Variants in LSAMP observed in about 807,000 individuals in gnomAD.
LSAMP encodes the protein limbic system associated membrane protein, also known as limbic system-associated membrane protein.
A neutral mutation model predicts 38.6 loss-of-function variants in LSAMP; 7 were observed. The ratio of observed to expected loss-of-function variants is 0.18; its 90% CI spans 0.10 to 0.34. The LOEUF (loss-of-function observed/expected upper bound fraction) is 0.34. LSAMP is among the 10% of genes least tolerant of loss of function. LSAMP has a pLI of 1.00. For missense variants in LSAMP, 313 were observed against 420.0 expected (o/e 0.75, Z 2.23); for synonymous variants, 154 against 166.8 (o/e 0.92, Z 0.59).
chr3:116,125,756 G>C (rs2107494613), intron 1 of LSAMP, among the ~76,000 whole-genome samples: 1 of 152,244 alleles, frequency 6.6e-6, no homozygotes, highest in East Asian at 1.9e-4. Flanking sequence ...TAAATAAATA[G>C]AGAAAAAGAC....
chr3:116,391,592 G>C (rs2048699292), intron 1 of LSAMP, among the ~76,000 whole-genome samples: 1 of 151,998 alleles, frequency 6.6e-6, no homozygotes. Flanking sequence ...GGGCGCGGGG[G>C]TGGCAAGGAG....
rs117789253 is a variant in LSAMP, at chr3:116,225,306, C to T, written c.156-138750G>A. ...AGACATAGCAGAGGACATTTTAAACCGAGGTTGAGATTGGAGGTATACTGC... is the reference window on the plus strand; with the variant it reads ...AGACATAGCAGAGGACATTTTAAACTGAGGTTGAGATTGGAGGTATACTGC... On this transcript the variant is annotated intron_variant, in intron 1 of 6. Coordinates refer to ENST00000490035, the MANE Select transcript of LSAMP (RefSeq NM_002338.5). 3.0e-4 allele frequency among the ~76,000 whole-genome samples: 45 copies of T among 152,108 alleles called. 1 individual carries two copies. The East Asian group carries it at 5.0e-3, about 17-fold the overall frequency.
intron 3 of LSAMP, among the ~76,000 whole-genome samples, chr3:115,917,652 T>C (rs1937281908): frequency 6.6e-6 from 1 of 152,144 alleles, no homozygotes; most frequent in Non-Finnish European, 1.5e-5. Flanking sequence ...TTTTTTTTTT[T>C]TCAAGTTCAT....
chr3:116,102,598 T>C (rs1708372304), intron 1 of LSAMP, among the ~76,000 whole-genome samples: 1 of 152,174 alleles, frequency 6.6e-6, no homozygotes, highest in African/African-American at 2.4e-5. Context: ...AAGAAAGAAT[T>C]ATCTCTCATT....
intron 2 of LSAMP, among the ~76,000 whole-genome samples, chr3:116,035,428 T>A (rs921953102): frequency 1.3e-5 from 2 of 152,132 alleles, no homozygotes; most frequent in Non-Finnish European, 2.9e-5. Flanking sequence ...AACATCAAAT[T>A]AGTCTACTAA....
chr3:115,917,398 C>T (rs997635201), intron 3 of LSAMP, among the ~76,000 whole-genome samples: 2 of 152,150 alleles, frequency 1.3e-5, no homozygotes, highest in African/African-American at 4.8e-5. Flanking sequence ...TCTGGAGTAA[C>T]AGGACCCATC....
intron 1 of LSAMP, among the ~76,000 whole-genome samples, chr3:116,263,993 C>T (rs1392676640): frequency 6.6e-6 from 1 of 152,172 alleles, no homozygotes; most frequent in African/African-American, 2.4e-5. Context: ...GAGGCTTCGT[C>T]TGAAAGTGAT....
chr3:115,893,516 T>C (rs1202160785), intron 3 of LSAMP, among the ~76,000 whole-genome samples: 2 of 151,990 alleles, frequency 1.3e-5, no homozygotes, highest in African/African-American at 4.8e-5. Flanking sequence ...ATTTGCATAA[T>C]ATTGGCAGGA....
intron 1 of LSAMP, among the ~76,000 whole-genome samples, chr3:116,392,588 G>A (rs1460445183): frequency 6.6e-6 from 1 of 152,238 alleles, no homozygotes; most frequent in Non-Finnish European, 1.5e-5. Flanking sequence ...GAAAAGCCTG[G>A]GCATCAGCAA....
At chr3:115,831,104 G>A (rs147004255) in intron 6 of LSAMP, among the ~76,000 whole-genome samples, 36 of 152,276 alleles carry the variant, frequency 2.4e-4, no homozygotes, top group Admixed American at 5.9e-4. Flanking sequence ...CATGTGCAAT[G>A]CATTTTATCA....
intron 3 of LSAMP, among the ~76,000 whole-genome samples, chr3:115,922,755 G>A (rs1211704704): frequency 6.6e-6 from 1 of 152,082 alleles, no homozygotes; most frequent in African/African-American, 2.4e-5. Flanking sequence ...GAAATCTTTT[G>A]GGGAAGATGC....
intron 3 of LSAMP, among the ~76,000 whole-genome samples, chr3:115,962,223 T>C (rs1299589607): frequency 6.6e-6 from 1 of 152,202 alleles, no homozygotes; most frequent in East Asian, 1.9e-4. Context: ...GAAGTTACTA[T>C]CTCCTGCATG....
intron 3 of LSAMP, among the ~76,000 whole-genome samples, chr3:115,942,716 A>C (rs373932624): frequency 1.3e-5 from 2 of 152,138 alleles, no homozygotes; most frequent in African/African-American, 4.8e-5. Flanking sequence ...TGATTCGGTA[A>C]ATCTATGGGA....
chr3:115,811,563 A>T (rs1267282697), intron 6 of LSAMP, among the ~76,000 whole-genome samples: 3 of 150,210 alleles, frequency 2.0e-5, no homozygotes, highest in Non-Finnish European at 4.5e-5. Context: ...ATTATGTGTG[A>T]GTGTGTGTGT....
chr3:116,224,579 G>A lies in LSAMP; in HGVS notation c.156-138023C>T, dbSNP rs1381818197. Reference sequence around the variant, plus strand: ...CTTTTTTTCTGCATATCTTCACAACGTGTTCACGTTCTAGTTCATAATTTA... The same window carrying A: ...CTTTTTTTCTGCATATCTTCACAACATGTTCACGTTCTAGTTCATAATTTA... On this transcript the variant is annotated intron_variant, in intron 1 of 6. Coordinates refer to ENST00000490035, the MANE Select transcript of LSAMP (RefSeq NM_002338.5). Among the ~76,000 whole-genome samples, 6 of 152,278 alleles carry A rather than the reference G, an allele frequency of 3.9e-5. No individual in the cohort carries two copies. The East Asian group carries it at 7.7e-4, about 20-fold the overall frequency.
At chr3:116,045,705 T>A (rs1176731539) in intron 2 of LSAMP, among the ~76,000 whole-genome samples, 10 of 152,180 alleles carry the variant, frequency 6.6e-5, no homozygotes, top group Middle Eastern at 3.2e-3. Context: ...AATGTAAAAA[T>A]TAATGATTAT....
chr3:115,971,259 G>A (rs573899423), intron 3 of LSAMP, among the ~76,000 whole-genome samples: 8 of 152,250 alleles, frequency 5.3e-5, no homozygotes, highest in African/African-American at 1.9e-4. Context: ...GACTAGATAT[G>A]CCTGTACATG....
At chr3:116,406,037 A>AT (rs1211051279) in intron 1 of LSAMP, among the ~76,000 whole-genome samples, 1 of 152,130 alleles carries the variant, frequency 6.6e-6, no homozygotes, top group Admixed American at 6.6e-5. Context: ...AAATGATATA[A>AT]TTTTTGCATA....
At chr3:115,922,439 A>G (rs1047998850) in intron 3 of LSAMP, among the ~76,000 whole-genome samples, 1 of 151,950 alleles carries the variant, frequency 6.6e-6, no homozygotes, top group East Asian at 1.9e-4. Flanking sequence ...ATATATTTCT[A>G]TCTCTTTGTC....
Sources: gnomAD v4.1 joint callset for allele counts (sites outside exome capture counted in the v4.1 genomes callset) on GRCh38, gnomAD v4.1.1 for gene constraint, MANE v1.5 for transcripts, NCBI Gene and HGNC (gene_info 2026-07-23, HGNC 2026-07-21) for gene names.